Variants in PRDM10 observed in about 807,000 individuals in gnomAD.
PRDM10 encodes PR/SET domain 10, also known as PR domain zinc finger protein 10.
Under a neutral mutation model 133.1 loss-of-function variants are expected in PRDM10, and 65 were observed. That is an observed-to-expected ratio of 0.49 (90% CI 0.40 to 0.60). PRDM10 has a LOEUF of 0.60. PRDM10 is among the 20% of genes least tolerant of loss of function. PRDM10 has a pLI of 0.00. For missense variants in PRDM10, 1,137 were observed against 1,507.1 expected (o/e 0.75, Z 4.07); for synonymous variants, 582 against 580.4 (o/e 1.00, Z -0.04).
chr11:130,001,448 G>A (rs1192315865), intron 1 of PRDM10, among the ~76,000 whole-genome samples: 1 of 152,144 alleles, frequency 6.6e-6, no homozygotes, highest in Non-Finnish European at 1.5e-5. Flanking sequence ...AGAATTTGGG[G>A]TGACGAGACA....
Position 129,902,354 on chromosome 11 carries a change from T to C in PRDM10, c.3430A>G (p.Asn1144Asp), listed in dbSNP as rs1949865440. Residue 1144 changes from asparagine to aspartate, a missense_variant, in exon 21 of 21, where the codon AAC becomes GAC. Physicochemically the swap from Asn to Asp is conservative, Grantham distance 23. Coordinates refer to ENST00000360871, the MANE Select transcript of PRDM10 (RefSeq NM_199437.2). ...TTQYIITTTTNGNGSSEVHIT... is the reference protein window; with the variant it reads ...TTQYIITTTTDGNGSSEVHIT... ...TGCACTTCGCTGCTTCCGTTCCCGT[T>C]GGTGGTGGTGGTGATGATGTACTGT... The C allele has an allele frequency of 6.2e-7, 1 of 1,613,638 alleles. No individual in the cohort carries two copies. The highest frequency in any genetic ancestry group is 1.3e-5 in the African/African-American group (1 of 75,024).
intron 4 of PRDM10, among the ~76,000 whole-genome samples, chr11:129,949,938 AC>A (rs1419664925): frequency 7.3e-5 from 2 of 27,526 alleles, no homozygotes; most frequent in African/African-American, 1.4e-4. Context: ...CCACCCCCCC[AC>A]CCCCCAAAAA....
chr11:129,915,988 T>C lies in PRDM10; in HGVS notation c.2326-128A>G, dbSNP rs571152926. 6 of 814,748 alleles carry C rather than the reference T, an allele frequency of 7.4e-6. No homozygotes were observed. In the East Asian group the frequency reaches 1.6e-4, roughly 22 times the overall value. The allele number at this position is 814,748 out of a possible 1,614,324, so 50.5% of individuals were successfully genotyped here. On this transcript the variant is annotated intron_variant, in intron 15 of 20. Coordinates refer to ENST00000360871, the MANE Select transcript of PRDM10 (RefSeq NM_199437.2). ...TGTAGCCCCAAATAAAATATATTAA[T>C]ATGTATATTAACAGATCTATTGAAG...
At chr11:129,989,928 C>A (rs1391157630) in intron 1 of PRDM10, among the ~76,000 whole-genome samples, 1 of 152,144 alleles carries the variant, frequency 6.6e-6, no homozygotes. Flanking sequence ...TCAGGCCGGG[C>A]ACGGTGGCTC....
chr11:129,982,285 C>A (rs111703287), intron 1 of PRDM10, among the ~76,000 whole-genome samples: 2 of 150,810 alleles, frequency 1.3e-5, no homozygotes, highest in Non-Finnish European at 3.0e-5. Flanking sequence ...TGTGTGTGTG[C>A]GCGCGTGTGT....
chr11:129,967,450 TTTTC>T (rs1260340818), intron 1 of PRDM10, among the ~76,000 whole-genome samples: 3 of 152,132 alleles, frequency 2.0e-5, no homozygotes, highest in Non-Finnish European at 4.4e-5. Context: ...TGGCAAGATT[TTTTC>T]TTTCTTACTA....
At chr11:129,931,496 TTAAAC>T (rs1950855642) in intron 10 of PRDM10, among the ~76,000 whole-genome samples, 1 of 152,320 alleles carries the variant, frequency 6.6e-6, no homozygotes, top group East Asian at 1.9e-4. Flanking sequence ...TTTTAATTGT[TTAAAC>T]TAATTAAACA....
chr11:129,977,659 T>C (rs1254371987), intron 1 of PRDM10, among the ~76,000 whole-genome samples: 1 of 151,988 alleles, frequency 6.6e-6, no homozygotes, highest in Non-Finnish European at 1.5e-5. Flanking sequence ...GGAACTGAAG[T>C]AAAGAAGCAG....
intron 19 of PRDM10, among the ~76,000 whole-genome samples, chr11:129,908,289 T>C (rs990863149): frequency 1.6e-4 from 24 of 152,208 alleles, no homozygotes; most frequent in Admixed American, 1.2e-3. Context: ...TTAGCCAACA[T>C]AGTGAGATCT....
At chr11:129,931,831 G>C (rs1950878312) in intron 10 of PRDM10, among the ~76,000 whole-genome samples, 2 of 152,146 alleles carry the variant, frequency 1.3e-5, no homozygotes, top group African/African-American at 4.8e-5. Flanking sequence ...GCCTCCCAAA[G>C]CGCTGGGATT....
chr11:129,950,754 C>T lies in PRDM10; in HGVS notation c.295-3384G>A, dbSNP rs115064296. ...AAAGCATATGTACACCTCTACTCCTCATAAACTCGCTCTGCAGAGCCAACC... is the reference window on the plus strand; with the variant it reads ...AAAGCATATGTACACCTCTACTCCTTATAAACTCGCTCTGCAGAGCCAACC... On this transcript the variant is annotated intron_variant, in intron 4 of 20. Coordinates refer to ENST00000360871, the MANE Select transcript of PRDM10 (RefSeq NM_199437.2). 7.1e-3 allele frequency among the ~76,000 whole-genome samples: 1,077 copies of T among 152,340 alleles called. 16 individuals carry two copies. The highest frequency in any genetic ancestry group is 0.025 in the African/African-American group (1,030 of 41,572).
At chr11:129,932,869 G>A (rs1285851395) in intron 9 of PRDM10, among the ~76,000 whole-genome samples, 3 of 151,966 alleles carry the variant, frequency 2.0e-5, no homozygotes, top group East Asian at 1.9e-4. Context: ...GGGCTCAAGC[G>A]ATCCTCCCAC....
rs1228406395 is a variant in PRDM10 at position 129,931,037 on chromosome 11, C to T, written c.1509G>A (p.Met503Ile). 2 of 1,613,220 alleles carry T rather than the reference C, an allele frequency of 1.2e-6. No individual in the cohort carries two copies. The highest frequency in any genetic ancestry group is 1.7e-5 in the Admixed American group (1 of 59,964). ...TTACTCGGATGCGCTTGGCTCTGCG[C>T]ATGTCGTCGGCTGTCAGCGTGCTCT... ...PTQSTLTADD[M>I]RRAKRIRNAA... Residue 503 changes from methionine to isoleucine, a missense_variant, in exon 11 of 21, where the codon ATG becomes ATA. Met to Ile is a conservative substitution (Grantham distance 10). Transcript: ENST00000360871.
chr11:129,939,399 TTAAC>T (rs1202995510), intron 7 of PRDM10, among the ~76,000 whole-genome samples: 1 of 152,258 alleles, frequency 6.6e-6, no homozygotes, highest in Non-Finnish European at 1.5e-5. Context: ...TATAATTTAA[TTAAC>T]TACGCCCCTG....
chr11:129,932,325 G>T, intron 9 of PRDM10, 94 bp from the exon 10 acceptor site: 4 of 1,459,690 alleles, frequency 2.7e-6, no homozygotes, highest in South Asian at 1.3e-5. Flanking sequence ...CCCAGAGTTT[G>T]ATTCCTCTCA....
At chr11:129,992,818 A>C (rs1938825475) in intron 1 of PRDM10, among the ~76,000 whole-genome samples, 1 of 152,236 alleles carries the variant, frequency 6.6e-6, no homozygotes, top group African/African-American at 2.4e-5. Context: ...TGGACTATAT[A>C]AACATTCAGC....
At chr11:129,943,503 G>A (rs146099893) in intron 6 of PRDM10, among the ~76,000 whole-genome samples, 54 of 152,264 alleles carry the variant, frequency 3.5e-4, no homozygotes, top group African/African-American at 1.3e-3. Context: ...CTTTTAAAGG[G>A]GTAATTAAGT....
At chr11:130,001,213 C>G (rs1236643646) in intron 1 of PRDM10, among the ~76,000 whole-genome samples, 1 of 152,112 alleles carries the variant, frequency 6.6e-6, no homozygotes, top group Non-Finnish European at 1.5e-5. Flanking sequence ...ATCTTGTTTT[C>G]TCTATTCTAG....
At chr11:129,977,693 G>A (rs1270890658) in intron 1 of PRDM10, among the ~76,000 whole-genome samples, 3 of 152,174 alleles carry the variant, frequency 2.0e-5, no homozygotes, top group Admixed American at 2.0e-4. Flanking sequence ...GGTAGCTCAT[G>A]CCCATAATCC....
Sources: gnomAD v4.1 joint callset for allele counts (sites outside exome capture counted in the v4.1 genomes callset) on GRCh38, gnomAD v4.1.1 for gene constraint, MANE v1.5 for transcripts, NCBI Gene and HGNC (gene_info 2026-07-23, HGNC 2026-07-21) for gene names.